CDH4: variants seen among roughly 807,000 people sequenced by gnomAD.
The protein encoded by CDH4 is cadherin 4.
In CDH4, 33 loss-of-function variants were observed where a neutral mutation model predicts 86.0. That is an observed-to-expected ratio of 0.38 (90% CI 0.29 to 0.51). The LOEUF (loss-of-function observed/expected upper bound fraction) is 0.51. CDH4 is among the 20% of genes least tolerant of loss of function. CDH4 has a pLI of 0.86. For synonymous variants in CDH4, 555 were observed against 549.4 expected, an observed-to-expected ratio of 1.01 and a Z score of -0.14; for missense variants, 1,114 against 1,307.4, an observed-to-expected ratio of 0.85 and a Z score of 2.28.
intron 2 of CDH4, among the ~76,000 whole-genome samples, chr20:61,712,726 G>A (rs1003952784): frequency 1.3e-5 from 2 of 152,202 alleles, no homozygotes; most frequent in Non-Finnish European, 2.9e-5. Context: ...GAGCCGTGGC[G>A]AGCTGGCTGG....
intron 3 of CDH4, among the ~76,000 whole-genome samples, chr20:61,751,145 G>A (rs11699916): frequency 0.22 from 33,749 of 152,068 alleles, 4,044 homozygotes; most frequent in East Asian, 0.31. Flanking sequence ...AATGGAAAGG[G>A]CGAAGGTAGC....
At chr20:61,895,118 C>T in intron 8 of CDH4, 71 bp downstream of exon 8, 2 of 1,540,250 alleles carry the variant, frequency 1.3e-6, no homozygotes, top group Non-Finnish European at 1.8e-6. Flanking sequence ...TGCGGCACAG[C>T]CTCCTCTCTC....
chr20:61,345,696 C>A (rs2084675286), intron 2 of CDH4, among the ~76,000 whole-genome samples: 1 of 152,166 alleles, frequency 6.6e-6, no homozygotes, highest in African/African-American at 2.4e-5. Flanking sequence ...TTGTGGTCAC[C>A]CCTGCACTGA....
chr20:61,489,780 C>G (rs2085615958), intron 2 of CDH4, among the ~76,000 whole-genome samples: 1 of 152,230 alleles, frequency 6.6e-6, no homozygotes, highest in Non-Finnish European at 1.5e-5. Context: ...CATTAACTGA[C>G]TTGCTTTTTG....
At chr20:61,632,237 G>T (rs2086895902) in intron 2 of CDH4, among the ~76,000 whole-genome samples, 1 of 152,204 alleles carries the variant, frequency 6.6e-6, no homozygotes, top group Non-Finnish European at 1.5e-5. Flanking sequence ...CTGTGAAGGA[G>T]CATGTTGGGA....
chr20:61,562,826 A>AT (rs1600761031), intron 2 of CDH4, among the ~76,000 whole-genome samples: 1 of 152,228 alleles, frequency 6.6e-6, no homozygotes, highest in African/African-American at 2.4e-5. Flanking sequence ...GTTATCACAC[A>AT]TTGCCAGATG....
At chr20:61,425,518 G>A (rs943774881) in intron 2 of CDH4, among the ~76,000 whole-genome samples, 3 of 152,202 alleles carry the variant, frequency 2.0e-5, no homozygotes, top group Admixed American at 6.5e-5. Context: ...CTCTGAGGTC[G>A]AGCCTAGGAG....
At chr20:61,733,012 A>T (rs374986598) in intron 2 of CDH4, among the ~76,000 whole-genome samples, 2 of 151,730 alleles carry the variant, frequency 1.3e-5, no homozygotes, top group African/African-American at 4.8e-5. Context: ...CCCAGCTCCC[A>T]CCTCTGAAAA....
rs78204110 is a variant in CDH4, at chr20:61,718,484, A to G, written c.170-25079A>G. 1.4e-3 allele frequency: 370 copies of G among 273,964 alleles called. 2 individuals carry two copies. The highest frequency in any genetic ancestry group is 7.6e-3 in the African/African-American group (351 of 46,158). 17.0% of individuals were successfully genotyped at this position (273,964 alleles called of 1,614,324 possible). A position where few individuals can be genotyped will look rare whatever the true frequency, so the allele number is the denominator to read the frequency against. ...GTGCCTGCTAAGGCTGACGCTGGTTAGAGGCAGTGCCAGGACAGTGCCGTC... is the reference window on the plus strand; with the variant it reads ...GTGCCTGCTAAGGCTGACGCTGGTTGGAGGCAGTGCCAGGACAGTGCCGTC... On this transcript the variant is annotated intron_variant, in intron 2 of 15. Transcript: ENST00000614565.
At chr20:61,477,824 C>T (rs2085547436) in intron 2 of CDH4, among the ~76,000 whole-genome samples, 1 of 152,186 alleles carries the variant, frequency 6.6e-6, no homozygotes, top group Non-Finnish European at 1.5e-5. Flanking sequence ...TGGAACAGCT[C>T]ATGATCCCGT....
intron 2 of CDH4, among the ~76,000 whole-genome samples, chr20:61,368,329 G>A (rs2084822029): frequency 6.6e-6 from 1 of 152,190 alleles, no homozygotes; most frequent in African/African-American, 2.4e-5. Context: ...TGAGAGTGGA[G>A]CCTCAGGAAT....
chr20:61,793,194 G>T (rs1395597231), intron 4 of CDH4, among the ~76,000 whole-genome samples: 1 of 150,686 alleles, frequency 6.6e-6, no homozygotes, highest in East Asian at 2.0e-4. Context: ...TGAACTCCTG[G>T]CCTCAAGTGA....
chr20:61,836,451 C>T (rs1382841124), intron 4 of CDH4, among the ~76,000 whole-genome samples: 1 of 152,210 alleles, frequency 6.6e-6, no homozygotes, highest in Admixed American at 6.5e-5. Flanking sequence ...ATTGCTAAAA[C>T]TCAAAGTATG....
At chr20:61,574,468 C>T (rs773499686) in intron 2 of CDH4, among the ~76,000 whole-genome samples, 4 of 152,206 alleles carry the variant, frequency 2.6e-5, no homozygotes, top group African/African-American at 7.2e-5. Context: ...ACAGTTCACA[C>T]GTACAGATTC....
At chr20:61,661,093 G>GGGGGGGGGGGC (rs907816921) in intron 2 of CDH4, among the ~76,000 whole-genome samples, 2 of 102,206 alleles carry the variant, frequency 2.0e-5, no homozygotes, top group Non-Finnish European at 5.2e-5. Flanking sequence ...GCGGGGGGGG[G>GGGGGGGGGGGC]GGAGACACAG....
chr20:61,864,764 C>T (rs573800871), intron 6 of CDH4, among the ~76,000 whole-genome samples: 16 of 152,336 alleles, frequency 1.1e-4, no homozygotes, highest in African/African-American at 3.6e-4. Flanking sequence ...TATCTCCACC[C>T]ATCATTCCCT....
chr20:61,651,946 A>G (rs1568734258), intron 2 of CDH4, among the ~76,000 whole-genome samples: 1 of 152,210 alleles, frequency 6.6e-6, no homozygotes, highest in Non-Finnish European at 1.5e-5. Flanking sequence ...CTACTGAGGC[A>G]ATAGAAAGTC....
rs971994905 is a variant in CDH4, at chr20:61,921,152, T to C, written c.1375-2299T>C. On this transcript the variant is annotated intron_variant, in intron 9 of 15. Transcript: ENST00000614565. ...ATTGTGTGGAAGCGTGGTGTCATGA[T>C]TGCATGGAAGCGTGGTGTCACAGTG... Among the ~76,000 whole-genome samples the C allele has an allele frequency of 3.3e-5, 5 of 150,892 alleles. No individual in the cohort carries two copies. The East Asian group carries it at 9.8e-4, about 30-fold the overall frequency.
At chr20:61,552,373 C>T (rs747817730) in intron 2 of CDH4, among the ~76,000 whole-genome samples, 12 of 152,122 alleles carry the variant, frequency 7.9e-5, no homozygotes, top group Non-Finnish European at 1.6e-4. Flanking sequence ...ATCTGTGTAA[C>T]GTCATTAGTA....
Sources: gnomAD v4.1 joint callset for allele counts (sites outside exome capture counted in the v4.1 genomes callset) on GRCh38, gnomAD v4.1.1 for gene constraint, MANE v1.5 for transcripts, NCBI Gene and HGNC (gene_info 2026-07-23, HGNC 2026-07-21) for gene names.